Variants in ARHGAP15 observed in about 807,000 individuals in gnomAD.
ARHGAP15 encodes Rho GTPase activating protein 15.
In ARHGAP15, 51 loss-of-function variants were observed where a neutral mutation model predicts 63.7. That is an observed-to-expected ratio of 0.80 (90% confidence interval 0.64 to 1.01). The LOEUF (loss-of-function observed/expected upper bound fraction) is 1.01. ARHGAP15 is among the 50% of genes least tolerant of loss of function. The pLI, the probability that ARHGAP15 is intolerant of heterozygous loss-of-function variation, is 0.00. For missense variants in ARHGAP15, 560 were observed against 564.6 expected (o/e 0.99, Z 0.08); for synonymous variants, 191 against 193.8 (o/e 0.99, Z 0.12).
intron 6 of ARHGAP15, among the ~76,000 whole-genome samples, chr2:143,330,129 AAACCAAAAAC>A (rs1684471726): frequency 3.2e-5 from 3 of 93,804 alleles, no homozygotes; most frequent in Admixed American, 1.1e-4. Flanking sequence ...AAAAAAAAAA[AAACCAAAAAC>A]AAAAAACTAA....
At chr2:143,624,586 T>A (rs1363902486) in intron 12 of ARHGAP15, among the ~76,000 whole-genome samples, 1 of 152,146 alleles carries the variant, frequency 6.6e-6, no homozygotes, top group Admixed American at 6.6e-5. Context: ...GCACCCCTCA[T>A]CTCTGCCTTT....
chr2:143,461,634 T>G (rs967279993), intron 8 of ARHGAP15, among the ~76,000 whole-genome samples: 2 of 152,188 alleles, frequency 1.3e-5, no homozygotes, highest in East Asian at 3.9e-4. Flanking sequence ...ACAGCAAATT[T>G]ATCAGGAAAA....
At chr2:143,171,458 A>C (rs947746651) in intron 2 of ARHGAP15, among the ~76,000 whole-genome samples, 2 of 152,112 alleles carry the variant, frequency 1.3e-5, no homozygotes, top group African/African-American at 4.8e-5. Flanking sequence ...CATCCTGGAG[A>C]GTATAGTAAC....
intron 6 of ARHGAP15, among the ~76,000 whole-genome samples, chr2:143,397,560 A>T (rs1156419651): frequency 7.2e-6 from 1 of 138,302 alleles, no homozygotes; most frequent in Non-Finnish European, 1.5e-5. Context: ...AATATTGGCA[A>T]AAAAAAACGA....
intron 1 of ARHGAP15, among the ~76,000 whole-genome samples, chr2:143,137,415 G>T (rs770775479): frequency 6.6e-6 from 1 of 151,846 alleles, no homozygotes; most frequent in Admixed American, 6.6e-5. Flanking sequence ...GAATTTTCCT[G>T]GTCTAAAATA....
intron 2 of ARHGAP15, among the ~76,000 whole-genome samples, chr2:143,197,428 T>C (rs947754951): frequency 6.6e-5 from 10 of 152,016 alleles, no homozygotes; most frequent in African/African-American, 2.4e-4. Context: ...TTATTTATAC[T>C]ATGGCTTAGG....
intron 5 of ARHGAP15, among the ~76,000 whole-genome samples, chr2:143,242,206 T>C (rs1693890306): frequency 6.6e-6 from 1 of 152,192 alleles, no homozygotes; most frequent in Admixed American, 6.6e-5. Context: ...AAGGCCCTTC[T>C]ATAGTCTGGC....
intron 12 of ARHGAP15, among the ~76,000 whole-genome samples, chr2:143,667,597 AAAAAAAG>A (rs1574809201): frequency 1.3e-5 from 2 of 151,608 alleles, no homozygotes; most frequent in South Asian, 2.1e-4. Context: ...AAAAAAAAAA[AAAAAAAG>A]AAAAGAAGTG....
intron 13 of ARHGAP15, among the ~76,000 whole-genome samples, chr2:143,736,984 T>C (rs554198465): frequency 9.2e-5 from 14 of 152,364 alleles, no homozygotes; most frequent in East Asian, 7.7e-4. Context: ...AGCAACTCTC[T>C]TCCTTTTGTG....
intron 4 of ARHGAP15, among the ~76,000 whole-genome samples, chr2:143,223,867 A>G (rs1192106759): frequency 6.6e-6 from 1 of 152,100 alleles, no homozygotes; most frequent in Admixed American, 6.5e-5. Flanking sequence ...TTAGGATGCA[A>G]CCTTACTGGG....
intron 10 of ARHGAP15, among the ~76,000 whole-genome samples, chr2:143,543,436 A>G (rs1459880710): frequency 1.3e-5 from 2 of 152,024 alleles, no homozygotes; most frequent in Non-Finnish European, 2.9e-5. Flanking sequence ...TGAGTACCTT[A>G]TACATTCTGA....
intron 2 of ARHGAP15, among the ~76,000 whole-genome samples, chr2:143,167,489 T>C (rs752691345): frequency 6.6e-6 from 1 of 152,066 alleles, no homozygotes; most frequent in African/African-American, 2.4e-5. Context: ...TTGGATTCAG[T>C]ATGCATTTAA....
In ARHGAP15 at chr2:143,578,549, G is replaced by A. The variant is rs535710239; in HGVS notation, c.1003+22064G>A. ...AGGCCATCTAGAAAGCGCCAATGGCGCTCTATACATTTTTAAAAAAGGTGG... is the reference window on the plus strand; with the variant it reads ...AGGCCATCTAGAAAGCGCCAATGGCACTCTATACATTTTTAAAAAAGGTGG... On this transcript the variant is annotated intron_variant, in intron 11 of 13. Transcript: ENST00000295095. Among the ~76,000 whole-genome samples the A allele has an allele frequency of 2.7e-4, 41 of 152,204 alleles. No individual in the cohort carries two copies. In the East Asian group the frequency reaches 7.0e-3, roughly 26 times the overall value.
At chr2:143,139,053 C>T (rs572612882) in intron 1 of ARHGAP15, among the ~76,000 whole-genome samples, 1 of 152,016 alleles carries the variant, frequency 6.6e-6, no homozygotes, top group African/African-American at 2.4e-5. Flanking sequence ...ATTTCAATTT[C>T]ATTCCTCAAA....
rs1698758377 is a variant in ARHGAP15, at chr2:143,624,354, A to T, written c.1138+87A>T. 23 of 1,403,526 alleles carry T rather than the reference A, an allele frequency of 1.6e-5. 1 individual carries two copies. The South Asian group carries it at 3.5e-4, about 22-fold the overall frequency. 86.9% of individuals were successfully genotyped at this position (1,403,526 alleles called of 1,614,324 possible). On this transcript the variant is annotated intron_variant, in intron 12 of 13. Coordinates refer to ENST00000295095, the MANE Select transcript of ARHGAP15 (RefSeq NM_018460.4). Reference sequence around the variant, plus strand: ...AAATAATAAGAATGATTATAATAATAATCATGGGGAACAGATAGTATCCCC... The same window carrying T: ...AAATAATAAGAATGATTATAATAATTATCATGGGGAACAGATAGTATCCCC...
chr2:143,757,528 A>G (rs1247818401), intron 13 of ARHGAP15, among the ~76,000 whole-genome samples: 2 of 151,934 alleles, frequency 1.3e-5, no homozygotes, highest in African/African-American at 4.8e-5. Context: ...AAATATATAT[A>G]TATATACACA....
intron 6 of ARHGAP15, among the ~76,000 whole-genome samples, chr2:143,353,971 A>G (rs1318190209): frequency 2.6e-5 from 4 of 151,992 alleles, no homozygotes; most frequent in African/African-American, 9.7e-5. Flanking sequence ...TTGTCTACAG[A>G]GCAATTTTAC....
chr2:143,512,963 C>G (rs963706699), intron 9 of ARHGAP15, among the ~76,000 whole-genome samples: 2 of 152,348 alleles, frequency 1.3e-5, no homozygotes, highest in African/African-American at 2.4e-5. Context: ...TCTCAGTATC[C>G]AAATTCTAAA....
chr2:143,661,337 C>T (rs564934405), intron 12 of ARHGAP15, among the ~76,000 whole-genome samples: 19 of 152,218 alleles, frequency 1.2e-4, no homozygotes, highest in East Asian at 3.9e-4. Flanking sequence ...CTGCCTACCA[C>T]GTTAAGTCGA....
Sources: allele counts gnomAD v4.1 joint callset (sites outside exome capture counted in the v4.1 genomes callset), GRCh38; gene constraint gnomAD v4.1.1; transcripts MANE v1.5; gene names NCBI Gene and HGNC (gene_info 2026-07-23, HGNC 2026-07-21).